Variants in EYA3 observed in about 807,000 individuals in gnomAD.
EYA3 encodes EYA transcriptional coactivator and phosphatase 3.
In EYA3, 39 loss-of-function variants were observed where a neutral mutation model predicts 80.0. The ratio of observed to expected loss-of-function variants is 0.49; its 90% CI spans 0.38 to 0.64. EYA3 has a LOEUF of 0.64. EYA3 is among the 30% of genes least tolerant of loss of function. The pLI, the probability that EYA3 is intolerant of heterozygous loss-of-function variation, is 0.00. For missense variants in EYA3, 523 were observed against 676.1 expected, an observed-to-expected ratio of 0.77 and a Z score of 2.51; for synonymous variants, 206 against 232.8, an observed-to-expected ratio of 0.88 and a Z score of 1.05.
At chr1:27,998,087 C>T (rs1640580293) in intron 12 of EYA3, among the ~76,000 whole-genome samples, 1 of 152,202 alleles carries the variant, frequency 6.6e-6, no homozygotes, top group South Asian at 2.1e-4. Context: ...CACTACCTAA[C>T]TGATGGATGT....
At chr1:28,015,836 G>T (rs570810934) in intron 8 of EYA3, among the ~76,000 whole-genome samples, 19 of 152,258 alleles carry the variant, frequency 1.2e-4, no homozygotes, top group African/African-American at 4.1e-4. Flanking sequence ...TTAGGCCTAG[G>T]TTTATTAAGA....
Position 28,017,145 on chromosome 1 carries a change from G to T in EYA3, c.585+9C>A. 5.6e-6 allele frequency: 9 copies of T among 1,604,632 alleles called. No individual in the cohort carries two copies. The highest frequency in any genetic ancestry group is 7.7e-6 in the Non-Finnish European group (9 of 1,171,532). ...CTATCAAACAGGATGAACAAAGGTA[G>T]CATCATACCTGGTTTGAGATGCTGG... On this transcript the variant is annotated intron_variant, in intron 8 of 17. Coordinates refer to ENST00000373871, the MANE Select transcript of EYA3 (RefSeq NM_001990.4).
chr1:28,052,546 G>A (rs965363920), intron 2 of EYA3, among the ~76,000 whole-genome samples: 55 of 152,130 alleles, frequency 3.6e-4, no homozygotes, highest in African/African-American at 1.2e-3. Flanking sequence ...AGCTGAACTC[G>A]TACCTCAAGC....
At chr1:28,063,303 ATATT>A (rs1170932077) in intron 1 of EYA3, among the ~76,000 whole-genome samples, 4 of 75,306 alleles carry the variant, frequency 5.3e-5, no homozygotes, top group South Asian at 4.0e-4. Context: ...ATATATATAT[ATATT>A]TTTTTTTATT....
chr1:28,054,201 T>C (rs886458736), intron 2 of EYA3, among the ~76,000 whole-genome samples: 22 of 152,198 alleles, frequency 1.4e-4, no homozygotes, highest in African/African-American at 5.3e-4. Flanking sequence ...CTAATAGCTA[T>C]CTAATTATTA....
chr1:28,063,034 T>C (rs1040336814), intron 1 of EYA3, among the ~76,000 whole-genome samples: 4 of 141,792 alleles, frequency 2.8e-5, no homozygotes, highest in Admixed American at 2.1e-4. Flanking sequence ...AAGCACAGAA[T>C]AAAGGTCAAA....
At chr1:28,016,167 G>A (rs1441005399) in intron 8 of EYA3, among the ~76,000 whole-genome samples, 3 of 152,028 alleles carry the variant, frequency 2.0e-5, no homozygotes, top group Admixed American at 1.3e-4. Context: ...CTATGAGAGA[G>A]AAAGAGACAG....
At chr1:28,035,358 A>G (rs559724963) in intron 6 of EYA3, among the ~76,000 whole-genome samples, 186 bp downstream of exon 6, 1 of 152,372 alleles carries the variant, frequency 6.6e-6, no homozygotes, top group South Asian at 2.1e-4. Context: ...AGTACATACA[A>G]AATAGCTAAA....
chr1:28,016,190 T>C (rs1642052055), intron 8 of EYA3, among the ~76,000 whole-genome samples: 1 of 151,994 alleles, frequency 6.6e-6, no homozygotes, highest in Non-Finnish European at 1.5e-5. Context: ...CTTAGAAAAA[T>C]ACCAGGTACA....
intron 3 of EYA3, 138 bp downstream of exon 3, chr1:28,048,245 A>G: frequency 1.7e-6 from 1 of 600,182 alleles, no homozygotes; most frequent in South Asian, 2.7e-5. Context: ...TTAATCTTAA[A>G]CCAAATAATT....
chr1:28,052,352 G>T (rs536829889), intron 2 of EYA3, among the ~76,000 whole-genome samples: 1 of 152,090 alleles, frequency 6.6e-6, no homozygotes, highest in African/African-American at 2.4e-5. Flanking sequence ...AATCAAGACC[G>T]TGTGGTACTG....
intron 1 of EYA3, among the ~76,000 whole-genome samples, chr1:28,076,478 A>C (rs1046514416): frequency 6.6e-6 from 1 of 151,854 alleles, no homozygotes; most frequent in Non-Finnish European, 1.5e-5. Context: ...TGGTAGGCCG[A>C]GGTGGGTGGA....
In EYA3 at chr1:28,082,150, TAA is replaced by T. The variant is rs764664163; in HGVS notation, c.-69+6372_-69+6373del. Among the ~76,000 whole-genome samples the T allele has an allele frequency of 2.8e-4, 43 of 152,066 alleles. 2 individuals carry two copies. Among genetic ancestry groups the T allele is most frequent in the Admixed American group, 1.9e-3 (29 of 15,270 alleles). On this transcript the variant is annotated intron_variant, in intron 1 of 17. Coordinates refer to ENST00000373871, the MANE Select transcript of EYA3 (RefSeq NM_001990.4). Reference sequence around the variant, plus strand: ...ACAGTATACTTAATGTCTCAATTAATAAGAGTTAACATGAGAATTAAAATTAG... The same window carrying T: ...ACAGTATACTTAATGTCTCAATTAATGAGTTAACATGAGAATTAAAATTAG...
intron 1 of EYA3, among the ~76,000 whole-genome samples, chr1:28,070,776 T>C (rs1378150670): frequency 6.6e-6 from 1 of 152,108 alleles, no homozygotes; most frequent in Non-Finnish European, 1.5e-5. Flanking sequence ...ATTTATATAG[T>C]GGAAGAAATA....
chr1:28,020,328 T>C (rs1407736224), intron 7 of EYA3, among the ~76,000 whole-genome samples: 7 of 152,170 alleles, frequency 4.6e-5, no homozygotes, highest in Non-Finnish European at 8.8e-5. Flanking sequence ...AGAAAGTTCA[T>C]AGGGCTTAAT....
chr1:28,038,126 T>C (rs1404485412), intron 5 of EYA3, among the ~76,000 whole-genome samples: 2 of 152,136 alleles, frequency 1.3e-5, no homozygotes, highest in Non-Finnish European at 2.9e-5. Flanking sequence ...CCGGTTCTAC[T>C]CTGAGGACAT....
In EYA3 at chr1:28,038,881, G is replaced by A. The variant is rs774370160; in HGVS notation, c.182C>T (p.Pro61Leu). ...TGAGGTATAATCATTGGATGAGCGA[G>A]GGATGTAATCGGTGCATGTCATAAC... ...EEIMTCTDYI[P>L]RSSNDYTSQM... The change falls in exon 5 of 18, where the codon CCT (proline) becomes CTT (leucine). Residue 61 changes from proline to leucine, a missense_variant. Around this residue, in one of 2 missense-constraint regions of EYA3, gnomAD observed 304 missense variants for 343.3 expected, o/e 0.89. Coordinates refer to ENST00000373871, the MANE Select transcript of EYA3 (RefSeq NM_001990.4). 7.5e-6 allele frequency: 12 copies of A among 1,600,524 alleles called. No individual in the cohort carries two copies. The highest frequency in any genetic ancestry group is 1.7e-5 in the Admixed American group (1 of 59,624).
intron 3 of EYA3, among the ~76,000 whole-genome samples, chr1:28,045,695 G>T (rs758390851): frequency 6.6e-6 from 1 of 151,920 alleles, no homozygotes; most frequent in Non-Finnish European, 1.5e-5. Context: ...ATGACATACT[G>T]CCTCAAAATA....
At chr1:28,050,220 T>C (rs1273614877) in intron 2 of EYA3, among the ~76,000 whole-genome samples, 4 of 150,160 alleles carry the variant, frequency 2.7e-5, no homozygotes. Flanking sequence ...TGAGACAGGG[T>C]CTTGTTCTGT....
Sources: gnomAD v4.1 joint callset for allele counts (sites outside exome capture counted in the v4.1 genomes callset) on GRCh38, gnomAD v4.1.1 for gene constraint, gnomAD v4.1.1 regional missense constraint, MANE v1.5 for transcripts, NCBI Gene and HGNC (gene_info 2026-07-23, HGNC 2026-07-21) for gene names.